The following TM9SF2 variants were observed in gnomAD, a reference collection of about 807,000 sequenced individuals.
TM9SF2 encodes the protein 76 kDa membrane protein.
Under a neutral mutation model 84.9 loss-of-function variants are expected in TM9SF2, and 13 were observed. The ratio of observed to expected loss-of-function variants is 0.15; its 90% CI spans 0.10 to 0.24. The LOEUF is 0.24. Among genes scored for constraint, TM9SF2 ranks in the 10% least tolerant of loss-of-function variants. The probability of loss-of-function intolerance (pLI) is 1.00; values close to 1 mark genes in which losing one functional copy is unlikely to be tolerated. For missense variants in TM9SF2, 562 were observed against 818.5 expected (o/e 0.69, Z 3.82); for synonymous variants, 273 against 285.8 (o/e 0.96, Z 0.45).
rs759030027 is a variant in TM9SF2 at position 99,537,800 on chromosome 13, A to G, written c.653A>G (p.Tyr218Cys). The G allele has an allele frequency of 1.2e-6, 2 of 1,611,734 alleles. No homozygotes were observed. The highest frequency in any genetic ancestry group is 8.5e-7 in the Non-Finnish European group (1 of 1,179,580). ...IFNHVDIKIY[Y>C]HVVETGSMGA... ...AACCATGTTGACATCAAAATATACT[A>G]TCATGTTGTTGAAACTGGGTCCATG... The change falls in exon 6 of 17, where the codon TAT becomes TGT. Residue 218 changes from tyrosine to cysteine, a missense_variant. Transcript: ENST00000376387.
chr13:99,522,336 A>G (rs568714374), intron 3 of TM9SF2, among the ~76,000 whole-genome samples: 47 of 152,206 alleles, frequency 3.1e-4, no homozygotes, highest in South Asian at 2.1e-4. Flanking sequence ...CAAATATTCT[A>G]ATCTGAAATT....
chr13:99,554,027 T>C lies in TM9SF2; in HGVS notation c.1489-277T>C, dbSNP rs554024880. ...CTATTATTTTCCAAGTATTCTCTTA[T>C]CTCCTGTGTACTTTTTCCTGTGTCT... On this transcript the variant is annotated intron_variant, in intron 13 of 16. Transcript: ENST00000376387. Among the ~76,000 whole-genome samples the C allele has an allele frequency of 3.9e-5, 6 of 152,340 alleles. No individual in the cohort carries two copies. The South Asian group carries it at 1.0e-3, about 26-fold the overall frequency.
intron 3 of TM9SF2, among the ~76,000 whole-genome samples, chr13:99,526,572 A>T (rs1181566847): frequency 6.6e-6 from 1 of 152,042 alleles, no homozygotes. Context: ...CAACGGGAGG[A>T]GGTGGTTTGA....
At chr13:99,531,196 A>G (rs1488820560) in intron 4 of TM9SF2, among the ~76,000 whole-genome samples, 1 of 152,180 alleles carries the variant, frequency 6.6e-6, no homozygotes, top group East Asian at 1.9e-4. Flanking sequence ...TCAAAATCCA[A>G]CATTTGAAGT....
chr13:99,513,633 G>A (rs9517754), intron 1 of TM9SF2, among the ~76,000 whole-genome samples: 4,826 of 152,266 alleles, frequency 0.032, 111 homozygotes, highest in Middle Eastern at 0.11. Context: ...AAAATACCTG[G>A]AAAACAGTGC....
chr13:99,527,683 T>C (rs573477206), intron 3 of TM9SF2, among the ~76,000 whole-genome samples: 3 of 152,234 alleles, frequency 2.0e-5, no homozygotes, highest in Non-Finnish European at 4.4e-5. Flanking sequence ...CAGCCTTATA[T>C]GATTTCCCTC....
chr13:99,511,892 C>A (rs959672727), intron 1 of TM9SF2, among the ~76,000 whole-genome samples: 5 of 152,214 alleles, frequency 3.3e-5, no homozygotes, highest in Non-Finnish European at 7.3e-5. Flanking sequence ...TTTGTTTCTG[C>A]AGTCCAGCTT....
At position 99,552,308 on chromosome 13, in the gene TM9SF2, C is replaced by T. The variant is rs1292659759; in HGVS notation, c.1470C>T (p.Tyr490=). 3 of 1,613,266 alleles carry T rather than the reference C, an allele frequency of 1.9e-6. No homozygotes were observed. The highest frequency in any genetic ancestry group is 2.5e-6 in the Non-Finnish European group (3 of 1,179,766). The part of the protein sequence containing the change: ...ISVPLTFIGA[Y]FGFKKNAIEH... ...TGCCTCTGACGTTTATTGGTGCATA[C>T]TTTGGTTTTAAGAAGAATGTAAGTT... Residue 490 remains tyrosine (Y), a synonymous_variant, in exon 13 of 17, where the codon TAC becomes TAT. Coordinates refer to ENST00000376387, the MANE Select transcript of TM9SF2 (RefSeq NM_004800.3).
intron 12 of TM9SF2, among the ~76,000 whole-genome samples, chr13:99,549,678 A>G (rs2046297697): frequency 6.6e-6 from 1 of 152,238 alleles, no homozygotes. Flanking sequence ...CCACAAATCC[A>G]AAACAAAACA....
chr13:99,517,773 A>G (rs556343684), intron 2 of TM9SF2, 92 bp downstream of exon 2: 346 of 757,862 alleles, frequency 4.6e-4, no homozygotes, highest in Non-Finnish European at 5.8e-4. Context: ...AGTTATGGAC[A>G]AGCCTGAAAA....
At chr13:99,501,849 C>T in intron 1 of TM9SF2, 72 bp downstream of exon 1, 1 of 1,541,176 alleles carries the variant, frequency 6.5e-7, no homozygotes, top group Non-Finnish European at 8.7e-7. Context: ...GGGAGCTGAT[C>T]CTCGGGTGGG....
At chr13:99,536,880 T>A in intron 5 of TM9SF2, 143 bp downstream of exon 5, 1 of 836,286 alleles carries the variant, frequency 1.2e-6, no homozygotes, top group Non-Finnish European at 1.8e-6. Flanking sequence ...AATCTTAAAC[T>A]TACAGCAGAT....
intron 6 of TM9SF2, among the ~76,000 whole-genome samples, chr13:99,539,224 A>G (rs2046247730): frequency 6.7e-6 from 1 of 149,696 alleles, no homozygotes; most frequent in African/African-American, 2.5e-5. Context: ...AAAAAAAAGA[A>G]AAAAAAAAAG....
chr13:99,512,107 A>T (rs2046116011), intron 1 of TM9SF2, among the ~76,000 whole-genome samples: 1 of 152,206 alleles, frequency 6.6e-6, no homozygotes, highest in Non-Finnish European at 1.5e-5. Flanking sequence ...CACTACTTGG[A>T]TGGATGGGAG....
chr13:99,506,917 T>C (rs1417433764), intron 1 of TM9SF2, among the ~76,000 whole-genome samples: 1 of 152,234 alleles, frequency 6.6e-6, no homozygotes, highest in Non-Finnish European at 1.5e-5. Context: ...CTGCTTTACA[T>C]GTATCCAACA....
chr13:99,544,471 C>G (rs781240292), intron 10 of TM9SF2, among the ~76,000 whole-genome samples: 1 of 152,154 alleles, frequency 6.6e-6, no homozygotes, highest in Non-Finnish European at 1.5e-5. Flanking sequence ...AAGACTGACT[C>G]TTGGTTTCTC....
Position 99,501,616 on chromosome 13 carries a change from A to G in TM9SF2, c.10A>G (p.Arg4Gly). The stretch of plus-strand genomic sequence containing the variant: ...CCCCGAAACAACTATCATGAGCGCG[A>G]GGCTGCCGGTGTTGTCTCCACCTCG... MSA[R>G]LPVLSPPRWP... is the part of the protein sequence containing the mutation. Residue 4 changes from arginine (R) to glycine (G), a missense_variant, in exon 1 of 17, where the codon AGG (arginine) becomes GGG (glycine). By Grantham distance (125) the Arg-to-Gly change is moderately radical. Around this residue, in one of 4 missense-constraint regions of TM9SF2, gnomAD observed 267 missense variants for 316.7 expected, o/e 0.84. Coordinates refer to ENST00000376387, the MANE Select transcript of TM9SF2 (RefSeq NM_004800.3). 6.2e-7 allele frequency: 1 copy of G among 1,611,760 alleles called. No individual in the cohort carries two copies. Among genetic ancestry groups the G allele is most frequent in the Non-Finnish European group, 8.5e-7 (1 of 1,179,094 alleles).
At chr13:99,539,359 T>G (rs2046248489) in intron 6 of TM9SF2, 87 bp from the exon 7 acceptor site, 1 of 801,968 alleles carries the variant, frequency 1.2e-6, no homozygotes. Flanking sequence ...AGCAGCATTT[T>G]AAAATACGTA....
chr13:99,539,886 G>A (rs17472806), intron 7 of TM9SF2, among the ~76,000 whole-genome samples: 60,026 of 152,076 alleles, frequency 0.39, 14,356 homozygotes, highest in Non-Finnish European at 0.54. Flanking sequence ...AATCAACACC[G>A]TACTTTAAAG....
Sources: gnomAD v4.1 joint callset for allele counts (sites outside exome capture counted in the v4.1 genomes callset) on GRCh38, gnomAD v4.1.1 for gene constraint, gnomAD v4.1.1 regional missense constraint, MANE v1.5 for transcripts, NCBI Gene and HGNC (gene_info 2026-07-23, HGNC 2026-07-21) for gene names.